The following SLC16A7 variants were observed in gnomAD, a reference collection of about 807,000 sequenced individuals.
SLC16A7 encodes monocarboxylate transporter 2.
A neutral mutation model predicts 34.9 loss-of-function variants in SLC16A7; 33 were observed. That is an observed-to-expected ratio of 0.94 (90% confidence interval 0.72 to 1.26). SLC16A7 has a LOEUF of 1.26. Ranked by LOEUF, SLC16A7 falls within the 50% of genes most tolerant of loss-of-function variation. SLC16A7 has a pLI of 0.00. For synonymous variants in SLC16A7, 201 were observed against 206.6 expected, an observed-to-expected ratio of 0.97 and a Z score of 0.23; for missense variants, 573 against 578.1, an observed-to-expected ratio of 0.99 and a Z score of 0.09.
At position 59,786,141 on chromosome 12, in the gene SLC16A7, T is replaced by C. The variant is rs907678709; in HGVS notation, c.*6462T>C. On this transcript the variant is annotated 3_prime_UTR_variant, in exon 6 of 6. Coordinates refer to ENST00000547379, the MANE Select transcript of SLC16A7 (RefSeq NM_001270623.2). ...CATGGCACATGTATACATATGTAAC[T>C]AACCTGCACATTGTGCACATGTACC... The C allele has an allele frequency of 1.3e-5, 2 of 151,524 alleles. No homozygotes were observed. The highest frequency in any genetic ancestry group is 2.9e-5 in the Non-Finnish European group (2 of 67,898). The allele number at this position is 151,524 out of a possible 1,614,324, so 9.4% of individuals were successfully genotyped here.
chr12:59,739,290 G>A (rs1261833011), intron 3 of SLC16A7, among the ~76,000 whole-genome samples: 5 of 138,682 alleles, frequency 3.6e-5, no homozygotes, highest in Non-Finnish European at 4.6e-5. Flanking sequence ...GAGAATATGC[G>A]GTGTTTGGTT....
intron 3 of SLC16A7, among the ~76,000 whole-genome samples, chr12:59,722,258 T>C (rs987394972): frequency 2.2e-4 from 33 of 152,066 alleles, no homozygotes; most frequent in African/African-American, 7.5e-4. Context: ...TGCATAACTT[T>C]CTATTAGCAA....
chr12:59,712,873 C>G (rs1874405080), intron 3 of SLC16A7, among the ~76,000 whole-genome samples: 1 of 152,080 alleles, frequency 6.6e-6, no homozygotes. Flanking sequence ...TGAATGCCTT[C>G]TTCTTTAACT....
chr12:59,684,231 C>A (rs1408541432), intron 2 of SLC16A7, among the ~76,000 whole-genome samples: 2 of 152,104 alleles, frequency 1.3e-5, no homozygotes, highest in African/African-American at 4.8e-5. Flanking sequence ...AAGAAAATAA[C>A]TAGAAAAGAC....
At chr12:59,752,700 A>G (rs929061938) in intron 3 of SLC16A7, among the ~76,000 whole-genome samples, 12 of 152,308 alleles carry the variant, frequency 7.9e-5, no homozygotes, top group African/African-American at 2.9e-4. Flanking sequence ...TATCCAGGAG[A>G]ACTTCCCCAA....
intron 1 of SLC16A7, among the ~76,000 whole-genome samples, chr12:59,617,982 A>G (rs1879530479): frequency 6.6e-6 from 1 of 151,982 alleles, no homozygotes; most frequent in Non-Finnish European, 1.5e-5. Flanking sequence ...GCTTTTAATT[A>G]CTGAAATATA....
chr12:59,657,811 A>G (rs1302799783), intron 2 of SLC16A7, among the ~76,000 whole-genome samples: 1 of 152,008 alleles, frequency 6.6e-6, no homozygotes, highest in African/African-American at 2.4e-5. Context: ...GGAAGAACCA[A>G]TGATCCCTGA....
intron 3 of SLC16A7, among the ~76,000 whole-genome samples, chr12:59,740,546 T>C (rs937190921): frequency 6.6e-6 from 1 of 152,120 alleles, no homozygotes; most frequent in Admixed American, 6.5e-5. Context: ...AATTAGGTAT[T>C]GATGGGACGT....
At chr12:59,773,150 A>C (rs2711653) in intron 4 of SLC16A7, among the ~76,000 whole-genome samples, 7,121 of 152,016 alleles carry the variant, frequency 0.047, 548 homozygotes, top group African/African-American at 0.16. Context: ...CCTGGATTTT[A>C]ATTTGGGTTC....
chr12:59,625,758 A>G (rs1424312818), intron 1 of SLC16A7, among the ~76,000 whole-genome samples: 1 of 151,836 alleles, frequency 6.6e-6, no homozygotes, highest in African/African-American at 2.4e-5. Context: ...TGGTATAAGC[A>G]TGTCTACCTA....
At chr12:59,769,460 C>A (rs1385898596) in intron 3 of SLC16A7, 2 of 152,006 alleles carry the variant, frequency 1.3e-5, no homozygotes, top group African/African-American at 4.8e-5. Context: ...GTACAATTTT[C>A]TTTTAGTTCT....
At chr12:59,641,598 C>A (rs1880689067) in intron 1 of SLC16A7, among the ~76,000 whole-genome samples, 1 of 151,850 alleles carries the variant, frequency 6.6e-6, no homozygotes, top group Admixed American at 6.6e-5. Flanking sequence ...CAAAATTAGT[C>A]CGTTGTACAA....
intron 3 of SLC16A7, among the ~76,000 whole-genome samples, chr12:59,757,259 T>TAATAAAATAAAATAA (rs60300922): frequency 6.6e-6 from 1 of 150,822 alleles, no homozygotes; most frequent in African/African-American, 2.4e-5. Context: ...AGTATAATAA[T>TAATAAAATAAAATAA]AATAAAATAA....
intron 3 of SLC16A7, among the ~76,000 whole-genome samples, chr12:59,729,301 G>A (rs1159085488): frequency 2.0e-5 from 3 of 151,892 alleles, no homozygotes; most frequent in Non-Finnish European, 3.0e-5. Context: ...GGATTACCAT[G>A]CTGCCCAGGT....
chr12:59,605,427 C>T (rs1878891532), intron 1 of SLC16A7, among the ~76,000 whole-genome samples: 1 of 152,158 alleles, frequency 6.6e-6, no homozygotes, highest in African/African-American at 2.4e-5. Context: ...AAGCCCTGTG[C>T]TGTGGGTATC....
At chr12:59,679,713 G>A (rs1484562354) in intron 2 of SLC16A7, among the ~76,000 whole-genome samples, 1 of 151,938 alleles carries the variant, frequency 6.6e-6, no homozygotes, top group Non-Finnish European at 1.5e-5. Flanking sequence ...CCAAAGTCTG[G>A]CACAGTCTTT....
At chr12:59,602,540 A>G (rs1878736518) in intron 1 of SLC16A7, among the ~76,000 whole-genome samples, 1 of 141,728 alleles carries the variant, frequency 7.1e-6, no homozygotes, top group African/African-American at 2.7e-5. Flanking sequence ...CTTGGGTGCA[A>G]TGACATGAAC....
chr12:59,620,348 C>A (rs923812813), intron 1 of SLC16A7, among the ~76,000 whole-genome samples: 1 of 151,730 alleles, frequency 6.6e-6, no homozygotes, highest in African/African-American at 2.4e-5. Context: ...TATAAAAACC[C>A]TTTCCTCTGA....
At chr12:59,650,410 C>G (rs917121671) in intron 1 of SLC16A7, among the ~76,000 whole-genome samples, 6 of 152,070 alleles carry the variant, frequency 3.9e-5, no homozygotes, top group African/African-American at 1.4e-4. Context: ...TTTCTTCTAA[C>G]TGGTATTGTG....
Sources: gnomAD v4.1 joint callset for allele counts (sites outside exome capture counted in the v4.1 genomes callset) on GRCh38, gnomAD v4.1.1 for gene constraint, MANE v1.5 for transcripts, NCBI Gene and HGNC (gene_info 2026-07-23, HGNC 2026-07-21) for gene names.